Variants in CASKIN2 observed in about 807,000 individuals in gnomAD.
CASKIN2 encodes the protein caskin-2.
In CASKIN2, 41 loss-of-function variants were observed where a neutral mutation model predicts 107.1. The observed-to-expected ratio is 0.38, with a 90% confidence interval of 0.30 to 0.50. The LOEUF (loss-of-function observed/expected upper bound fraction) is 0.50. Ranked by LOEUF, CASKIN2 falls within the 20% of genes least tolerant of loss-of-function variation. CASKIN2 has a pLI of 0.92. For synonymous variants in CASKIN2, 724 were observed against 705.6 expected, an observed-to-expected ratio of 1.03 and a Z score of -0.41; for missense variants, 1,546 against 1,657.4, an observed-to-expected ratio of 0.93 and a Z score of 1.17.
At position 75,501,656 on chromosome 17, in the gene CASKIN2, G is replaced by A. The variant is rs762136798; in HGVS notation, c.3330C>T (p.Thr1110=). 3 of 1,586,912 alleles carry A rather than the reference G, an allele frequency of 1.9e-6. No individual in the cohort carries two copies. ...GCTTAGGGCCAGAAAATGCCAGCTG[G>A]GTGCAGGCCACCGACACAGGCTTGG... ...TAPKPVSVAC[T]QLAFSGPKLA... is the part of the protein sequence containing the mutation. The change falls in exon 19 of 20, where the codon ACC becomes ACT. Residue 1110 remains threonine, a synonymous_variant. Coordinates refer to ENST00000321617, the MANE Select transcript of CASKIN2 (RefSeq NM_020753.5).
intron 3 of CASKIN2, 52 bp downstream of exon 3, chr17:75,508,182 C>T: frequency 6.3e-7 from 1 of 1,597,334 alleles, no homozygotes; most frequent in South Asian, 1.1e-5. Flanking sequence ...ACCCCTGGGG[C>T]TCTACTGCCC....
At position 75,508,239 on chromosome 17, in the gene CASKIN2, A is replaced by G; in HGVS notation, c.141T>C (p.Ala47=). 5.6e-6 allele frequency: 9 copies of G among 1,613,850 alleles called. No individual in the cohort carries two copies. Among genetic ancestry groups the G allele is most frequent in the Non-Finnish European group, 7.6e-6 (9 of 1,179,898 alleles). ...GGACAGGGGCTCCCACTCACCCATC[A>G]GCATCCTGGTAGTTCACGTTGAGCC... ...TKRLNVNYQD[A]DGFSALHHAA... is the part of the protein sequence containing the mutation. Residue 47 remains alanine, a synonymous_variant, in exon 3 of 20, where the codon GCT becomes GCC. Transcript: ENST00000321617.
In CASKIN2 at chr17:75,504,862, G is replaced by A. The variant is rs1430911448; in HGVS notation, c.1142C>T (p.Pro381Leu). 6.2e-7 allele frequency: 1 copy of A among 1,611,620 alleles called. No individual in the cohort carries two copies. Residue 381 changes from proline to leucine, a missense_variant, in exon 11 of 20, where the codon CCT becomes CTT. Coordinates refer to ENST00000321617, the MANE Select transcript of CASKIN2 (RefSeq NM_020753.5). ...PQPPAEEPPH[P>L]LTYSQLPRVG... is the part of the protein sequence containing the mutation. ...CCGAGGAAGCTGGCTGTAGGTAAGA[G>A]GGTGCGGGGGTTCTTCGGCAGGAGG...
Position 75,503,586 on chromosome 17 carries a change from G to A in CASKIN2, c.1681-59C>T. The A allele has an allele frequency of 1.3e-5, 21 of 1,603,542 alleles. No individual in the cohort carries two copies. The South Asian group carries it at 2.3e-4, about 18-fold the overall frequency. ...CCAGCCTCCGCCCCCAGCCAGAGGAGAAAAGGCACCGCAAAGCCACAGCTG... is the reference window on the plus strand; with the variant it reads ...CCAGCCTCCGCCCCCAGCCAGAGGAAAAAAGGCACCGCAAAGCCACAGCTG... On this transcript the variant is annotated intron_variant, in intron 16 of 19. Coordinates refer to ENST00000321617, the MANE Select transcript of CASKIN2 (RefSeq NM_020753.5).
rs563756169 is a variant in CASKIN2, at chr17:75,502,820, G to A, written c.2254C>T (p.Pro752Ser). Residue 752 changes from proline to serine, a missense_variant, in exon 18 of 20, where the codon CCA becomes TCA. Coordinates refer to ENST00000321617, the MANE Select transcript of CASKIN2 (RefSeq NM_020753.5). The surrounding 1 kb of genome is among the most constrained non-coding windows in gnomAD (Gnocchi z 4.3). The stretch of plus-strand genomic sequence containing the variant: ...TGGGGGTACATAAAAACATAGGGTG[G>A]GGGTCCTTGGCCAGGAAGTGAAGAA... Reference protein sequence around the residue: ...LCSSLPGQGPPPYVFMYPQGS... With the variant: ...LCSSLPGQGPSPYVFMYPQGS... 59 of 1,563,458 alleles carry A rather than the reference G, an allele frequency of 3.8e-5. No homozygotes were observed. In the East Asian group the frequency reaches 9.7e-4, roughly 26 times the overall value.
chr17:75,510,684 C>T (rs930179292), intron 2 of CASKIN2, among the ~76,000 whole-genome samples: 4 of 151,778 alleles, frequency 2.6e-5, no homozygotes, highest in African/African-American at 7.2e-5. Context: ...TTGACCTCCC[C>T]GACTCAAGCG....
rs780819591 is a variant in CASKIN2 at position 75,506,920 on chromosome 17, G to A, written c.391-26C>T. The A allele has an allele frequency of 1.2e-6, 2 of 1,610,338 alleles. No homozygotes were observed. The highest frequency in any genetic ancestry group is 1.7e-5 in the Admixed American group (1 of 59,300). On this transcript the variant is annotated intron_variant, in intron 5 of 19. Transcript: ENST00000321617. The surrounding 1 kb of genome is among the most constrained non-coding windows in gnomAD (Gnocchi z 4.8). ...CTGGGGTTGGGGGAGCCGAGTGAGG[G>A]GGCCTGGCCTGTCCGGCACCCCACC...
At position 75,503,483 on chromosome 17, in the gene CASKIN2, G is replaced by C; in HGVS notation, c.1725C>G (p.Tyr575Ter). 1 of 1,612,444 alleles carries C rather than the reference G, an allele frequency of 6.2e-7. No individual in the cohort carries two copies. ...EWLCALGLPQ[Y>*]HKQLVSSGYD... ...AGCCGCTGCTCACCAGCTGCTTGTG[G>C]TACTGTGGCAGCCCCAGTGCACACA... Residue 575 changes from tyrosine (Y) to a stop codon, truncating the protein, a stop_gained, in exon 17 of 20, where the codon TAC becomes TAG. Transcript: ENST00000321617. LOFTEE classifies it high-confidence loss of function.
In CASKIN2 at chr17:75,501,490, T is replaced by C. The variant is rs370298093; in HGVS notation, c.3496A>G (p.Ile1166Val). 18 of 1,611,348 alleles carry C rather than the reference T, an allele frequency of 1.1e-5. No individual in the cohort carries two copies. The African/African-American group carries it at 2.4e-4, about 22-fold the overall frequency. The change falls in exon 19 of 20, where the codon ATT becomes GTT. Residue 1166 changes from isoleucine (I) to valine (V), a missense_variant. Transcript: ENST00000321617. The stretch of plus-strand genomic sequence containing the variant: ...CACCCCTCTTGCTCCTTGGTGCCAA[T>C]GCTCTTCTCTGCGGCTCTCAGTGCA... Reference protein sequence around the residue: ...AAALRAAEKSIGTKEQEGTPS... With the variant: ...AAALRAAEKSVGTKEQEGTPS...
chr17:75,509,082 A>G (rs1598468822), intron 2 of CASKIN2, among the ~76,000 whole-genome samples: 1 of 152,224 alleles, frequency 6.6e-6, no homozygotes, highest in Admixed American at 6.5e-5. Flanking sequence ...CCACACCTCC[A>G]GGGTCTTGGC....
chr17:75,501,179 AG>A lies in CASKIN2; in HGVS notation c.3519-10del. 1 of 1,577,856 alleles carries A rather than the reference AG, an allele frequency of 6.3e-7. No homozygotes were observed. The highest frequency in any genetic ancestry group is 8.6e-7 in the Non-Finnish European group (1 of 1,161,720). ...TGGAGGCGCTGGGGGTGCTGCAGCA[AG>A]GGGAAGGATGCGGTCAGATCAGCCA... On this transcript the variant is annotated splice_polypyrimidine_tract_variant and intron_variant, in intron 19 of 19. Coordinates refer to ENST00000321617, the MANE Select transcript of CASKIN2 (RefSeq NM_020753.5).
At position 75,501,126 on chromosome 17, in the gene CASKIN2, GTGC is replaced by G; in HGVS notation, c.3560_3562del (p.Ser1187del). On this transcript the variant is annotated inframe_deletion, in exon 20 of 20. Transcript: ENST00000321617. ...CTGGTCAGCCAGGGCGTCGAACATG[GTGC>G]TGATGTCATCCAGAATGTGCTTGGT... is the stretch of plus-strand genomic sequence containing the variant. 6.3e-7 allele frequency: 1 copy of G among 1,593,344 alleles called. No individual in the cohort carries two copies. Among genetic ancestry groups the G allele is most frequent in the Non-Finnish European group, 8.5e-7 (1 of 1,169,904 alleles).
chr17:75,502,245 C>T lies in CASKIN2; in HGVS notation c.2829G>A (p.Arg943=). The T allele has an allele frequency of 6.4e-7, 1 of 1,563,948 alleles. No homozygotes were observed. The highest frequency in any genetic ancestry group is 8.6e-7 in the Non-Finnish European group (1 of 1,159,894). Residue 943 remains arginine (R), a synonymous_variant, in exon 18 of 20, where the codon CGG becomes CGA. Transcript: ENST00000321617. The surrounding 1 kb of genome is among the most constrained non-coding windows in gnomAD (Gnocchi z 4.3). ...ACGGCAGCCCTTCCCCAGAGCTGCC[C>T]CGAGATGGGGGCGTCCCCTCAGGGC... ...EPGPEGTPPS[R]GSSGEGLPFA...
rs2053200973 is a variant in CASKIN2, at chr17:75,502,130, A to T, written c.2944T>A (p.Phe982Ile). 1 of 1,603,624 alleles carries T rather than the reference A, an allele frequency of 6.2e-7. No homozygotes were observed. The highest frequency in any genetic ancestry group is 1.7e-5 in the Admixed American group (1 of 59,908). Residue 982 changes from phenylalanine to isoleucine, a missense_variant, in exon 18 of 20, where the codon TTC becomes ATC. By Grantham distance (21) the Phe-to-Ile change is conservative. This residue lies in a region of CASKIN2 where 1,311 missense variants were observed against 1,311.0 expected (regional missense o/e 1.00). Coordinates refer to ENST00000321617, the MANE Select transcript of CASKIN2 (RefSeq NM_020753.5). The surrounding 1 kb of genome is among the most constrained non-coding windows in gnomAD (Gnocchi z 4.3). ...RETPVPPGLD[F>I]NLTESDTVKR... is the part of the protein sequence containing the mutation. ...ACAGTGTCTGATTCCGTGAGGTTGA[A>T]ATCGAGGCCGGGGGGCACGGGTGTC...
chr17:75,505,870 A>T lies in CASKIN2; in HGVS notation c.786T>A (p.Asn262Lys), dbSNP rs571205119. 1 of 1,613,368 alleles carries T rather than the reference A, an allele frequency of 6.2e-7. No individual in the cohort carries two copies. The highest frequency in any genetic ancestry group is 2.2e-5 in the East Asian group (1 of 44,852). Residue 262 changes from asparagine to lysine, a missense_variant, in exon 9 of 20, where the codon AAT becomes AAA. By Grantham distance (94) the Asn-to-Lys change is moderately conservative (BLOSUM62 0). This residue lies in a region of CASKIN2 where 62 missense variants were observed against 81.1 expected (regional missense o/e 0.76). Transcript: ENST00000321617. This position sits in a 1 kb window ranked among gnomAD's most constrained non-coding sequence, Gnocchi z 5.1. ...TYNQTALDIV[N>K]QFTTSQASRE... Reference sequence around the variant, plus strand: ...GGCTGGCCTGGGAGGTGGTGAACTGATTCACTATGTCCAGCGCCGTCTGGT... The same window carrying T: ...GGCTGGCCTGGGAGGTGGTGAACTGTTTCACTATGTCCAGCGCCGTCTGGT...
Position 75,502,018 on chromosome 17 carries a change from G to A in CASKIN2, c.3056C>T (p.Ala1019Val), listed in dbSNP as rs779525002. Residue 1019 changes from alanine to valine, a missense_variant, in exon 18 of 20, where the codon GCT (alanine) becomes GTT (valine). Ala to Val is a moderately conservative substitution (Grantham distance 64). Transcript: ENST00000321617. This position sits in a 1 kb window ranked among gnomAD's most constrained non-coding sequence, Gnocchi z 4.3. ...AGGAGTTGGGGAAGGCAGTGGGGCAGCGGGGCCAGGCGTGGCACTGGCCAC... is the reference window on the plus strand; with the variant it reads ...AGGAGTTGGGGAAGGCAGTGGGGCAACGGGGCCAGGCGTGGCACTGGCCAC... Reference protein sequence around the residue: ...FGVASATPGPAAPLPSPTPGE... With the variant: ...FGVASATPGPVAPLPSPTPGE... The A allele has an allele frequency of 5.0e-6, 8 of 1,612,592 alleles. No individual in the cohort carries two copies. Among genetic ancestry groups the A allele is most frequent in the Non-Finnish European group, 6.8e-6 (8 of 1,179,864 alleles).
Position 75,505,662 on chromosome 17 carries a change from G to A in CASKIN2, c.836-11C>T, listed in dbSNP as rs1305907736. 4 of 1,611,302 alleles carry A rather than the reference G, an allele frequency of 2.5e-6. No homozygotes were observed. The highest frequency in any genetic ancestry group is 2.2e-5 in the East Asian group (1 of 44,872). Reference sequence around the variant, plus strand: ...GGATCCCTGAGGCCTCTAAGAAAACGGGGTGGGGGACAGGTGTCATCTAAG... The same window carrying A: ...GGATCCCTGAGGCCTCTAAGAAAACAGGGTGGGGGACAGGTGTCATCTAAG... On this transcript the variant is annotated splice_polypyrimidine_tract_variant and intron_variant, in intron 9 of 19. Coordinates refer to ENST00000321617, the MANE Select transcript of CASKIN2 (RefSeq NM_020753.5). The surrounding 1 kb of genome is among the most constrained non-coding windows in gnomAD (Gnocchi z 5.1).
rs1372349861 is a variant in CASKIN2 at position 75,500,391 on chromosome 17, G to A, written c.*689C>T. On this transcript the variant is annotated 3_prime_UTR_variant, in exon 20 of 20. Transcript: ENST00000321617. ...GCAGTCGGGGCTCCTGCTGTGGTCC[G>A]AAGCCCCTCCCCCATTGTGTCCTCT... The A allele has an allele frequency of 2.0e-5, 3 of 152,446 alleles. No individual in the cohort carries two copies. Among genetic ancestry groups the A allele is most frequent in the Non-Finnish European group, 4.4e-5 (3 of 68,228 alleles). 9.4% of individuals were successfully genotyped at this position (152,446 alleles called of 1,614,324 possible). A position where few individuals can be genotyped will look rare whatever the true frequency, so the allele number is the denominator to read the frequency against.
rs762594061 is a variant in CASKIN2, at chr17:75,503,975, G to A, written c.1468-13C>T. The A allele has an allele frequency of 5.0e-6, 8 of 1,602,728 alleles. No homozygotes were observed. In the East Asian group the frequency reaches 1.8e-4, roughly 36 times the overall value. Reference sequence around the variant, plus strand: ...TGGCCTGCGCGTCCTGCGGGGTGGGGGAAGGGGGCAGAATTAGCAGGAGCT... The same window carrying A: ...TGGCCTGCGCGTCCTGCGGGGTGGGAGAAGGGGGCAGAATTAGCAGGAGCT... On this transcript the variant is annotated splice_polypyrimidine_tract_variant and intron_variant, in intron 14 of 19. Coordinates refer to ENST00000321617, the MANE Select transcript of CASKIN2 (RefSeq NM_020753.5).
Sources: gnomAD v4.1 joint callset for allele counts (sites outside exome capture counted in the v4.1 genomes callset) on GRCh38, gnomAD v4.1.1 for gene constraint, gnomAD v4.1.1 regional missense constraint, Gnocchi (gnomAD v3.1) non-coding constraint, MANE v1.5 for transcripts, NCBI Gene and HGNC (gene_info 2026-07-23, HGNC 2026-07-21) for gene names.